Variants in KPNA5 observed in about 807,000 individuals in gnomAD.
KPNA5 encodes the protein karyopherin subunit alpha 5.
Under a neutral mutation model 71.3 loss-of-function variants are expected in KPNA5, and 46 were observed. That is an observed-to-expected ratio of 0.65 (90% CI 0.51 to 0.83). The LOEUF is 0.83. KPNA5 is among the 40% of genes least tolerant of loss of function. The pLI is 0.00. For missense variants in KPNA5, 547 were observed against 628.3 expected, an observed-to-expected ratio of 0.87 and a Z score of 1.38; for synonymous variants, 207 against 201.4, an observed-to-expected ratio of 1.03 and a Z score of -0.24.
chr6:116,690,511 C>T lies in KPNA5; in HGVS notation c.138+1058C>T, dbSNP rs369646716. Among the ~76,000 whole-genome samples, 9 of 151,952 alleles carry T rather than the reference C, an allele frequency of 5.9e-5. No homozygotes were observed. The East Asian group carries it at 7.8e-4, about 13-fold the overall frequency. Reference sequence around the variant, plus strand: ...CAAAAAAATTAGACATGCGTGGTGGCTGGCGCCTGTTGTCCCAGCTACTCA... The same window carrying T: ...CAAAAAAATTAGACATGCGTGGTGGTTGGCGCCTGTTGTCCCAGCTACTCA... On this transcript the variant is annotated intron_variant, in intron 2 of 13. Coordinates refer to ENST00000368564, the MANE Select transcript of KPNA5 (RefSeq NM_001366306.2).
At chr6:116,719,812 T>C (rs893756640) in intron 8 of KPNA5, among the ~76,000 whole-genome samples, 1 of 152,162 alleles carries the variant, frequency 6.6e-6, no homozygotes, top group Non-Finnish European at 1.5e-5. Context: ...ATCATGCCAC[T>C]GCACCTTGAG....
At position 116,734,208 on chromosome 6, in the gene KPNA5, T is replaced by C. The variant is rs1779591900; in HGVS notation, c.*1885T>C. ...TGGTTCTAAGTATCAGGTGACAGGG[T>C]ATTCTACTCTTTCTAGTCAATTAAA... On this transcript the variant is annotated 3_prime_UTR_variant, in exon 14 of 14. Transcript: ENST00000368564. The C allele has an allele frequency of 2.0e-5, 3 of 151,730 alleles. No individual in the cohort carries two copies. The highest frequency in any genetic ancestry group is 6.6e-5 in the Admixed American group (1 of 15,174). 9.4% of individuals were successfully genotyped at this position (151,730 alleles called of 1,614,324 possible).
chr6:116,688,116 C>A (rs146130486), intron 1 of KPNA5, among the ~76,000 whole-genome samples: 1 of 152,256 alleles, frequency 6.6e-6, no homozygotes, highest in East Asian at 1.9e-4. Flanking sequence ...CCCCATTTCT[C>A]TTTCCTGTTT....
intron 4 of KPNA5, among the ~76,000 whole-genome samples, chr6:116,693,372 T>A (rs1777885293): frequency 6.6e-6 from 1 of 152,230 alleles, no homozygotes; most frequent in African/African-American, 2.4e-5. Context: ...AGTGTTCCTA[T>A]TTCTCCACAT....
rs549998899 is a variant in KPNA5 at position 116,741,712 on chromosome 6, TAAAA to T, written c.*9392_*9395del. The T allele has an allele frequency of 6.6e-6, 1 of 152,608 alleles. No homozygotes were observed. The highest frequency in any genetic ancestry group is 1.5e-5 in the Non-Finnish European group (1 of 68,000). 9.5% of individuals were successfully genotyped at this position (152,608 alleles called of 1,614,324 possible). The stretch of plus-strand genomic sequence containing the variant: ...AAACCTTTGTTCTGGGATTTACTGT[TAAAA>T]AACAAACAAAAAACAACAAAAAAGC... On this transcript the variant is annotated 3_prime_UTR_variant, in exon 14 of 14. Transcript: ENST00000368564.
intron 2 of KPNA5, 74 bp downstream of exon 2, chr6:116,689,527 G>C: frequency 1.6e-6 from 2 of 1,255,268 alleles, no homozygotes; most frequent in East Asian, 2.7e-5. Flanking sequence ...AATTTTAAAT[G>C]GAAATGTTTT....
intron 4 of KPNA5, among the ~76,000 whole-genome samples, chr6:116,694,895 C>T (rs913497252): frequency 1.3e-4 from 19 of 151,834 alleles, no homozygotes; most frequent in Admixed American, 1.2e-3. Context: ...ATTTATGCTC[C>T]CATCTTCAGT....
rs1266484452 is a variant in KPNA5 at position 116,737,470 on chromosome 6, T to C, written c.*5147T>C. ...ATTTGGTACTCTACCTTGTGAACTC[T>C]AGTTTTGTCCTCCCTGGCTTCCTAA... On this transcript the variant is annotated 3_prime_UTR_variant, in exon 14 of 14. Coordinates refer to ENST00000368564, the MANE Select transcript of KPNA5 (RefSeq NM_001366306.2). 1 of 152,008 alleles carries C rather than the reference T, an allele frequency of 6.6e-6. No individual in the cohort carries two copies. Among genetic ancestry groups the C allele is most frequent in the Non-Finnish European group, 1.5e-5 (1 of 67,950 alleles). The allele number at this position is 152,008 out of a possible 1,614,324, so 9.4% of individuals were successfully genotyped here.
At chr6:116,725,664 T>A in intron 10 of KPNA5, 87 bp from the exon 11 acceptor site, 1 of 1,201,652 alleles carries the variant, frequency 8.3e-7, no homozygotes, top group South Asian at 1.6e-5. Context: ...CTAGAATGGG[T>A]TTTGTACATC....
intron 10 of KPNA5, among the ~76,000 whole-genome samples, chr6:116,724,756 GCAC>G (rs1779234890): frequency 6.6e-6 from 1 of 151,934 alleles, no homozygotes; most frequent in Non-Finnish European, 1.5e-5. Context: ...CTGCAGGTGT[GCAC>G]CACCACACCT....
At position 116,740,446 on chromosome 6, in the gene KPNA5, G is replaced by A. The variant is rs1349068157; in HGVS notation, c.*8123G>A. The stretch of plus-strand genomic sequence containing the variant: ...TGGAAGTCAGTTTGGCGATTCCTCA[G>A]TGATCTAGAACTAGAAATACCATTT... On this transcript the variant is annotated 3_prime_UTR_variant, in exon 14 of 14. Coordinates refer to ENST00000368564, the MANE Select transcript of KPNA5 (RefSeq NM_001366306.2). 1 of 152,180 alleles carries A rather than the reference G, an allele frequency of 6.6e-6. No homozygotes were observed. The highest frequency in any genetic ancestry group is 1.5e-5 in the Non-Finnish European group (1 of 68,044). The allele number at this position is 152,180 out of a possible 1,614,324, so 9.4% of individuals were successfully genotyped here.
At chr6:116,696,732 G>A (rs901879942) in intron 4 of KPNA5, among the ~76,000 whole-genome samples, 1 of 151,926 alleles carries the variant, frequency 6.6e-6, no homozygotes, top group African/African-American at 2.4e-5. Flanking sequence ...TTGCCATAAT[G>A]ACTAAAAGTC....
intron 5 of KPNA5, among the ~76,000 whole-genome samples, chr6:116,700,602 AAT>A (rs1189250565): frequency 1.3e-5 from 2 of 152,214 alleles, no homozygotes; most frequent in Non-Finnish European, 1.5e-5. Flanking sequence ...GTGCTTGTGA[AAT>A]ATGTTAGTTA....
At chr6:116,712,855 GT>G (rs200681703) in intron 7 of KPNA5, among the ~76,000 whole-genome samples, 6 of 150,668 alleles carry the variant, frequency 4.0e-5, no homozygotes, top group Non-Finnish European at 5.9e-5. Flanking sequence ...TTTTTAAAAA[GT>G]TTTTTTTTAA....
chr6:116,724,510 G>A (rs1779224903), intron 10 of KPNA5, 135 bp downstream of exon 10: 3 of 573,468 alleles, frequency 5.2e-6, no homozygotes, highest in South Asian at 2.7e-5. Flanking sequence ...TCTGTGTCTT[G>A]GAGGATGGTG....
chr6:116,695,195 C>T (rs1777977138), intron 4 of KPNA5, among the ~76,000 whole-genome samples: 1 of 152,030 alleles, frequency 6.6e-6, no homozygotes, highest in Non-Finnish European at 1.5e-5. Flanking sequence ...TGCCAAAGTT[C>T]TGTGATTACA....
In KPNA5 at chr6:116,689,399, T is replaced by C; in HGVS notation, c.84T>C (p.Arg28=). The C allele has an allele frequency of 6.2e-7, 1 of 1,609,440 alleles. No individual in the cohort carries two copies. Among genetic ancestry groups the C allele is most frequent in the East Asian group, 2.2e-5 (1 of 44,604 alleles). The change falls in exon 2 of 14, where the codon CGT becomes CGC. Residue 28 remains arginine (R), a synonymous_variant. Transcript: ENST00000368564. The part of the protein sequence containing the change: ...KNKALNPQEM[R]RRREEEGIQL... Reference sequence around the variant, plus strand: ...AAGCCCTAAATCCTCAAGAGATGCGTAGACGAAGAGAAGAAGAAGGAATAC... The same window carrying C: ...AAGCCCTAAATCCTCAAGAGATGCGCAGACGAAGAGAAGAAGAAGGAATAC...
intron 1 of KPNA5, among the ~76,000 whole-genome samples, chr6:116,683,896 CTTTTTTTTTTTTTTTTTTTTTTTT>C (rs140446065): frequency 1.7e-5 from 1 of 59,608 alleles, no homozygotes; most frequent in South Asian, 8.7e-4. Context: ...CGTGCCCGGC[CTTTTTTTTTTTTTTTTTTTTTTTT>C]TTTTTTTTTT....
rs1219926727 is a variant in KPNA5 at position 116,739,512 on chromosome 6, T to A, written c.*7189T>A. ...GCAAAAAACTACTTTAAAGTTCATA[T>A]GGAACCAAAAAAGAGCCCGCATCGC... On this transcript the variant is annotated 3_prime_UTR_variant, in exon 14 of 14. Transcript: ENST00000368564. 6.6e-6 allele frequency: 1 copy of A among 152,152 alleles called. No individual in the cohort carries two copies. The highest frequency in any genetic ancestry group is 1.5e-5 in the Non-Finnish European group (1 of 68,032). The allele number at this position is 152,152 out of a possible 1,614,324, so 9.4% of individuals were successfully genotyped here. A position where few individuals can be genotyped will look rare whatever the true frequency, so the allele number is the denominator to read the frequency against.
Sources: allele counts gnomAD v4.1 joint callset (sites outside exome capture counted in the v4.1 genomes callset), GRCh38; gene constraint gnomAD v4.1.1; transcripts MANE v1.5; gene names NCBI Gene and HGNC (gene_info 2026-07-23, HGNC 2026-07-21).